The following RFPL2 variants were observed in gnomAD, a reference collection of about 807,000 sequenced individuals.
RFPL2 encodes ret finger protein like 2.
Under a neutral mutation model 17.8 loss-of-function variants are expected in RFPL2, and 13 were observed. That is an observed-to-expected ratio of 0.73 (90% confidence interval 0.47 to 1.16). The LOEUF (loss-of-function observed/expected upper bound fraction) is 1.16, where lower values mean the gene tolerates loss of function less well. RFPL2 is among the 50% of genes most tolerant of loss of function. The probability of loss-of-function intolerance (pLI) is 0.00; values close to 1 mark genes in which losing one functional copy is unlikely to be tolerated. For synonymous variants in RFPL2, 189 were observed against 180.9 expected (o/e 1.04, Z -0.36); for missense variants, 431 against 479.3 (o/e 0.90, Z 0.94).
chr22:32,194,773 C>T (rs1031787328), intron 2 of RFPL2, among the ~76,000 whole-genome samples: 8 of 152,154 alleles, frequency 5.3e-5, no homozygotes, highest in African/African-American at 1.9e-4. Flanking sequence ...TGCAATTTTA[C>T]AAAATGGTTT....
intron 2 of RFPL2, among the ~76,000 whole-genome samples, chr22:32,200,474 T>C (rs1406321652): frequency 6.6e-6 from 1 of 152,130 alleles, no homozygotes; most frequent in Non-Finnish European, 1.5e-5. Context: ...AGTGGGATAG[T>C]AGCCCAGGGG....
At chr22:32,202,748 G>C (rs1025323653) in intron 1 of RFPL2, 198 bp from the exon 2 acceptor site, 3 of 1,156,542 alleles carry the variant, frequency 2.6e-6, no homozygotes, top group African/African-American at 3.2e-5. Context: ...CACTCCACAG[G>C]AACAGCTGCA....
Position 32,194,489 on chromosome 22 carries a change from G to C in RFPL2, c.121C>G (p.Leu41Val). ...CCTTCCACACCCTCTAACCTGATGA[G>C]GCTTTGATTTAATTATAACAGGGAA... ...ADMMVIRSLS[L>V]IRLEGVEGRD... The change falls in exon 3 of 5, where the codon CTC becomes GTC. Residue 41 changes from leucine to valine, a missense_variant and splice_region_variant. Transcript: ENST00000652607. 6.2e-7 allele frequency: 1 copy of C among 1,609,686 alleles called. No homozygotes were observed. Among genetic ancestry groups the C allele is most frequent in the South Asian group, 1.1e-5 (1 of 90,210 alleles).
At chr22:32,202,586 A>G in intron 1 of RFPL2, 36 bp from the exon 2 acceptor site, 1 of 1,441,616 alleles carries the variant, frequency 6.9e-7, no homozygotes, top group South Asian at 1.5e-5. Flanking sequence ...ATTAGAGCGC[A>G]CCTTGTCATG....
chr22:32,193,383 G>A, intron 3 of RFPL2, 191 bp from the exon 4 acceptor site: 1 of 1,544,036 alleles, frequency 6.5e-7, no homozygotes, highest in Admixed American at 1.9e-5. Context: ...AAGTTCTATT[G>A]GGAAAGTCAC....
At position 32,191,078 on chromosome 22, in the gene RFPL2, C is replaced by T; in HGVS notation, c.831G>A (p.Trp277Ter). The change falls in exon 5 of 5, where the codon TGG becomes TGA. Residue 277 changes from tryptophan (W) to a stop codon, truncating the protein, a stop_gained. Transcript: ENST00000652607. LOFTEE classifies it low-confidence loss of function (END_TRUNC). ...RIQLTTELGFWTVSLRDGGRL... is the reference protein window; with the variant it reads ...RIQLTTELGF ...GGCCTCCATCCCTCAAACTCACAGT[C>T]CAGAATCCAAGCTCTGTGGTCAGCT... 1.2e-6 allele frequency: 2 copies of T among 1,613,996 alleles called. No individual in the cohort carries two copies. Among genetic ancestry groups the T allele is most frequent in the South Asian group, 1.1e-5 (1 of 91,076 alleles).
chr22:32,193,110 A>G lies in RFPL2; in HGVS notation c.348T>C (p.Cys116=), dbSNP rs375195128. The G allele has an allele frequency of 1.9e-6, 3 of 1,613,956 alleles. No individual in the cohort carries two copies. Among genetic ancestry groups the G allele is most frequent in the Non-Finnish European group, 2.5e-6 (3 of 1,179,852 alleles). Residue 116 remains cysteine (C), a synonymous_variant, in exon 4 of 5, where the codon TGT becomes TGC. Transcript: ENST00000652607. ...TGCACTTGAGGCAGACGGCGCATCC[A>G]CACTCCAGGGACATTGGTTTTTCCA... is the stretch of plus-strand genomic sequence containing the variant. ...DYLEKPMSLE[C]GCAVCLKCIN... is the part of the protein sequence containing the mutation.
At chr22:32,198,490 G>A (rs1413515123) in intron 2 of RFPL2, among the ~76,000 whole-genome samples, 2 of 151,860 alleles carry the variant, frequency 1.3e-5, no homozygotes, top group Non-Finnish European at 2.9e-5. Context: ...GGCTGGGGAG[G>A]GGGGCGTAGG....
At chr22:32,200,200 TG>T in intron 2 of RFPL2, 1 of 360,682 alleles carries the variant, frequency 2.8e-6, no homozygotes, top group Non-Finnish European at 5.5e-6. Flanking sequence ...GAGAGCGCTG[TG>T]GAGAAGACAG....
intron 2 of RFPL2, among the ~76,000 whole-genome samples, chr22:32,199,026 C>T (rs1206098291): frequency 6.6e-6 from 1 of 152,160 alleles, no homozygotes; most frequent in Non-Finnish European, 1.5e-5. Flanking sequence ...ACCTGGAACC[C>T]TTAAAGCCGA....
chr22:32,202,660 G>T, intron 1 of RFPL2, 110 bp from the exon 2 acceptor site: 1 of 1,383,188 alleles, frequency 7.2e-7, no homozygotes, highest in East Asian at 2.7e-5. Flanking sequence ...TCAAAGTCCA[G>T]CCTCTCCTTT....
chr22:32,203,188 T>A, intron 1 of RFPL2: 1 of 733,334 alleles, frequency 1.4e-6, no homozygotes, highest in Non-Finnish European at 1.7e-6. Context: ...GCCTGCCCCC[T>A]GCCACGGGCA....
chr22:32,191,043 G>T lies in RFPL2; in HGVS notation c.866C>A (p.Ala289Asp). 1.2e-6 allele frequency: 2 copies of T among 1,613,942 alleles called. No homozygotes were observed. The highest frequency in any genetic ancestry group is 8.5e-7 in the Non-Finnish European group (1 of 1,179,866). ...VSLRDGGRLS[A>D]TTVPLTFLFV... is the part of the protein sequence containing the mutation. ...GAGGAAAGTCAGCGGCACCGTGGTG[G>T]CAGAGAGGCGGCCTCCATCCCTCAA... The change falls in exon 5 of 5, where the codon GCC becomes GAC. Residue 289 changes from alanine (A) to aspartate (D), a missense_variant. Coordinates refer to ENST00000652607, the MANE Select transcript of RFPL2 (RefSeq NM_001394555.1).
chr22:32,196,290 A>T (rs937537627), intron 2 of RFPL2, among the ~76,000 whole-genome samples: 4 of 152,240 alleles, frequency 2.6e-5, no homozygotes, highest in African/African-American at 9.6e-5. Context: ...ATTTCAAATA[A>T]CTTGAATATA....
intron 2 of RFPL2, 52 bp downstream of exon 2, chr22:32,202,281 T>C: frequency 1.3e-6 from 2 of 1,551,904 alleles, no homozygotes; most frequent in Non-Finnish European, 1.7e-6. Flanking sequence ...CCTCTTTCCC[T>C]TATAAAGACT....
Position 32,192,136 on chromosome 22 carries a change from G to A in RFPL2, c.556+766C>T, listed in dbSNP as rs530340906. ...TCTGTCCTCCATATTTCAGCAGAGA[G>A]ACAGTCAGTTTTGGGTAGGTGGAAG... On this transcript the variant is annotated intron_variant, in intron 4 of 4. Coordinates refer to ENST00000652607, the MANE Select transcript of RFPL2 (RefSeq NM_001394555.1). Among the ~76,000 whole-genome samples the A allele has an allele frequency of 3.0e-3, 462 of 152,316 alleles. 1 individual carries two copies. Among genetic ancestry groups the A allele is most frequent in the African/African-American group, 0.01 (416 of 41,568 alleles).
intron 2 of RFPL2, among the ~76,000 whole-genome samples, chr22:32,200,566 A>G (rs908517356): frequency 4.0e-5 from 6 of 151,442 alleles, no homozygotes; most frequent in Admixed American, 6.6e-5. Context: ...CTCTCTCTCC[A>G]TTCTCTCTCC....
chr22:32,201,642 G>A (rs765565049), intron 2 of RFPL2, among the ~76,000 whole-genome samples: 4 of 152,150 alleles, frequency 2.6e-5, no homozygotes, highest in African/African-American at 4.8e-5. Context: ...CCTGGGTCTC[G>A]GGTGGAAAAC....
chr22:32,199,113 G>A (rs964424530), intron 2 of RFPL2, among the ~76,000 whole-genome samples: 10 of 152,166 alleles, frequency 6.6e-5, no homozygotes, highest in Non-Finnish European at 1.3e-4. Flanking sequence ...TAGGAACAAG[G>A]TAGGAGGTGC....
Sources: gnomAD v4.1 joint callset for allele counts (sites outside exome capture counted in the v4.1 genomes callset) on GRCh38, gnomAD v4.1.1 for gene constraint, MANE v1.5 for transcripts, NCBI Gene and HGNC (gene_info 2026-07-23, HGNC 2026-07-21) for gene names.